RBFOX1: variants seen among roughly 807,000 people sequenced by gnomAD.
The protein encoded by RBFOX1 is RNA binding fox-1 homolog 1, also known as RNA binding protein fox-1 homolog 1.
A neutral mutation model predicts 57.7 loss-of-function variants in RBFOX1; 8 were observed. The ratio of observed to expected loss-of-function variants is 0.14; its 90% CI spans 0.08 to 0.25. The LOEUF is 0.25. Among genes scored for constraint, RBFOX1 ranks in the 10% least tolerant of loss-of-function variants. The probability of loss-of-function intolerance (pLI) is 1.00; values close to 1 mark genes in which losing one functional copy is unlikely to be tolerated. For synonymous variants in RBFOX1, 326 were observed against 222.4 expected, an observed-to-expected ratio of 1.47 and a Z score of -4.15; for missense variants, 611 against 548.5, an observed-to-expected ratio of 1.11 and a Z score of -1.14.
intron 4 of RBFOX1, among the ~76,000 whole-genome samples, chr16:7,284,171 C>T (rs2095603387): frequency 1.3e-5 from 2 of 152,186 alleles, no homozygotes; most frequent in African/African-American, 4.8e-5. Context: ...ATAGTTTATT[C>T]ACTAGTTGAA....
At chr16:5,793,531 A>G (rs1407154243) in intron 3 of RBFOX1, among the ~76,000 whole-genome samples, 1 of 152,168 alleles carries the variant, frequency 6.6e-6, no homozygotes, top group East Asian at 1.9e-4. Context: ...GGCACAAGCC[A>G]TGTTGCCTTC....
chr16:5,807,671 G>C (rs1315918873), intron 3 of RBFOX1, among the ~76,000 whole-genome samples: 1 of 152,218 alleles, frequency 6.6e-6, no homozygotes, highest in African/African-American at 2.4e-5. Flanking sequence ...GGAAGTCCTG[G>C]CTTCTGAGAG....
intron 4 of RBFOX1, among the ~76,000 whole-genome samples, chr16:7,237,072 T>G (rs4490018): frequency 0.77 from 117,025 of 152,156 alleles, 45,943 homozygotes; most frequent in East Asian, 0.97. Context: ...GGTAGAGAGC[T>G]GTGTGGGGTT....
Position 6,501,104 on chromosome 16 carries a change from G to A in RBFOX1, c.-63-153499G>A, listed in dbSNP as rs1431843153. Among the ~76,000 whole-genome samples, 3 of 146,316 alleles carry A rather than the reference G, an allele frequency of 2.1e-5. No homozygotes were observed. The East Asian group carries it at 6.1e-4, about 30-fold the overall frequency. On this transcript the variant is annotated intron_variant, in intron 2 of 15. Transcript: ENST00000550418. ...ATGAGTTCAGAGGTCTTTCTGCTGA[G>A]CCTCTTTGTCTTGCCAGTTAAACAT...
chr16:5,833,645 T>C (rs1438484976), intron 3 of RBFOX1, among the ~76,000 whole-genome samples: 1 of 152,094 alleles, frequency 6.6e-6, no homozygotes, highest in Non-Finnish European at 1.5e-5. Context: ...AATTGAAAGA[T>C]AAGGATGATT....
chr16:7,024,578 G>C (rs1414882359), intron 3 of RBFOX1, among the ~76,000 whole-genome samples: 1 of 152,142 alleles, frequency 6.6e-6, no homozygotes, highest in Non-Finnish European at 1.5e-5. Context: ...GGGCAGGTAA[G>C]GGATATATTG....
At chr16:7,143,618 G>C (rs1235344115) in intron 4 of RBFOX1, among the ~76,000 whole-genome samples, 1 of 152,072 alleles carries the variant, frequency 6.6e-6, no homozygotes, top group Non-Finnish European at 1.5e-5. Context: ...TATCTTTTCT[G>C]TGTCCTTGAA....
At chr16:6,217,489 A>G (rs945412480) in intron 1 of RBFOX1, among the ~76,000 whole-genome samples, 5 of 152,176 alleles carry the variant, frequency 3.3e-5, no homozygotes, top group African/African-American at 4.8e-5. Context: ...GGGGAGTACC[A>G]GGGAAATAAG....
At chr16:7,379,238 A>G (rs2097742919) in intron 4 of RBFOX1, among the ~76,000 whole-genome samples, 1 of 152,174 alleles carries the variant, frequency 6.6e-6, no homozygotes, top group South Asian at 2.1e-4. Flanking sequence ...TAGCTTTTTG[A>G]TTTCACCATA....
intron 4 of RBFOX1, among the ~76,000 whole-genome samples, chr16:7,182,955 T>C (rs551991590): frequency 1.3e-5 from 2 of 152,338 alleles, no homozygotes; most frequent in South Asian, 4.1e-4. Flanking sequence ...GTTTATCATA[T>C]GCACCTTCCC....
intron 4 of RBFOX1, among the ~76,000 whole-genome samples, chr16:7,184,295 C>T (rs1240390144): frequency 6.6e-6 from 1 of 152,114 alleles, no homozygotes; most frequent in African/African-American, 2.4e-5. Context: ...TGTGGAATGA[C>T]CTTAGAGGGA....
At chr16:6,873,699 G>A (rs1330112374) in intron 3 of RBFOX1, among the ~76,000 whole-genome samples, 1 of 152,158 alleles carries the variant, frequency 6.6e-6, no homozygotes, top group East Asian at 1.9e-4. Context: ...CATCATGATT[G>A]TCACTGTCAC....
intron 4 of RBFOX1, among the ~76,000 whole-genome samples, chr16:7,251,405 G>GT (rs71391610): frequency 0.14 from 18,424 of 127,846 alleles, 2,083 homozygotes; most frequent in African/African-American, 0.31. Context: ...ACTTCTGTCC[G>GT]TTTTTTTTTT....
chr16:7,651,357 G>A (rs1034904024), intron 11 of RBFOX1, among the ~76,000 whole-genome samples: 5 of 152,152 alleles, frequency 3.3e-5, no homozygotes, highest in African/African-American at 7.2e-5. Context: ...CACCCACCAT[G>A]TAAGTACAAA....
chr16:5,339,257 C>T (rs1443629560), intron 1 of RBFOX1, among the ~76,000 whole-genome samples: 2 of 151,986 alleles, frequency 1.3e-5, no homozygotes, highest in Non-Finnish European at 2.9e-5. Flanking sequence ...ATTCCAGTTT[C>T]CCTGAGGTCT....
intron 1 of RBFOX1, among the ~76,000 whole-genome samples, chr16:6,225,810 C>T (rs2097412728): frequency 6.6e-6 from 1 of 152,290 alleles, no homozygotes; most frequent in Admixed American, 6.5e-5. Flanking sequence ...GGAGACATGA[C>T]TGAAGTGTGA....
At chr16:6,970,968 C>T (rs1033924652) in intron 3 of RBFOX1, among the ~76,000 whole-genome samples, 5 of 152,194 alleles carry the variant, frequency 3.3e-5, no homozygotes, top group Non-Finnish European at 5.9e-5. Context: ...CTACCCATTT[C>T]CTCCTGCCCT....
chr16:6,709,100 C>G (rs17141016), intron 3 of RBFOX1, among the ~76,000 whole-genome samples: 2,432 of 152,088 alleles, frequency 0.016, 81 homozygotes, highest in African/African-American at 0.055. Context: ...TAAAATAATA[C>G]AGCTTATGTC....
intron 2 of RBFOX1, among the ~76,000 whole-genome samples, chr16:6,651,515 G>C (rs1320209084): frequency 6.6e-6 from 1 of 152,102 alleles, no homozygotes; most frequent in Admixed American, 6.5e-5. Context: ...ATAGAAGTCA[G>C]ATCATGCCTG....
Sources: gnomAD v4.1 joint callset for allele counts (sites outside exome capture counted in the v4.1 genomes callset) on GRCh38, gnomAD v4.1.1 for gene constraint, MANE v1.5 for transcripts, NCBI Gene and HGNC (gene_info 2026-07-23, HGNC 2026-07-21) for gene names.